The following HPSE2 variants were observed in gnomAD, a reference collection of about 807,000 sequenced individuals.
HPSE2 encodes the protein inactive heparanase-2.
A neutral mutation model predicts 60.5 loss-of-function variants in HPSE2; 38 were observed. The observed-to-expected ratio is 0.63, with a 90% CI of 0.48 to 0.82. The LOEUF is 0.82. Among genes scored for constraint, HPSE2 ranks in the 40% least tolerant of loss-of-function variants. The pLI, the probability that HPSE2 is intolerant of heterozygous loss-of-function variation, is 0.00. For synonymous variants in HPSE2, 295 were observed against 293.2 expected (o/e 1.01, Z -0.06); for missense variants, 713 against 740.4 (o/e 0.96, Z 0.43).
At chr10:99,279,519 CT>C in the HPSE2 span, among the ~76,000 whole-genome samples, 1 of 152,190 alleles carries the variant, frequency 6.6e-6, no homozygotes, top group African/African-American at 2.4e-5. Flanking sequence ...AAAAGAATAG[CT>C]TTCCTTTGTC....
At chr10:98,894,164 C>T (rs1393931967) in intron 3 of HPSE2, among the ~76,000 whole-genome samples, 1 of 152,084 alleles carries the variant, frequency 6.6e-6, no homozygotes, top group Non-Finnish European at 1.5e-5. Context: ...GGCAAAACAA[C>T]ACTCAAATAA....
chr10:98,872,509 A>T (rs1451423930), intron 3 of HPSE2, among the ~76,000 whole-genome samples: 1 of 152,124 alleles, frequency 6.6e-6, no homozygotes. Context: ...GTTACAAAAA[A>T]GCACCTTACT....
At chr10:98,573,403 C>T (rs1440858491) in intron 9 of HPSE2, among the ~76,000 whole-genome samples, 1 of 152,128 alleles carries the variant, frequency 6.6e-6, no homozygotes, top group Non-Finnish European at 1.5e-5. Flanking sequence ...CATGTTTCTA[C>T]TTCCCCAAAA....
At chr10:99,196,288 T>C (rs1848395166) in intron 2 of HPSE2, among the ~76,000 whole-genome samples, 1 of 152,126 alleles carries the variant, frequency 6.6e-6, no homozygotes, top group Admixed American at 6.5e-5. Flanking sequence ...CTCTAGGACA[T>C]TGGTCTGGGC....
At chr10:98,723,087 T>C (rs568259756) in intron 4 of HPSE2, among the ~76,000 whole-genome samples, 5 of 152,340 alleles carry the variant, frequency 3.3e-5, no homozygotes, top group South Asian at 2.1e-4. Flanking sequence ...TTCAGTATGA[T>C]ATTGGCTGTG....
At chr10:98,590,183 C>G (rs1589463808) in intron 9 of HPSE2, among the ~76,000 whole-genome samples, 1 of 152,246 alleles carries the variant, frequency 6.6e-6, no homozygotes, top group Admixed American at 6.5e-5. Flanking sequence ...TGGCTCATGC[C>G]TGCAATCCCA....
chr10:99,288,538 T>G, the HPSE2 span, among the ~76,000 whole-genome samples: 1 of 152,002 alleles, frequency 6.6e-6, no homozygotes, highest in Non-Finnish European at 1.5e-5. Flanking sequence ...ATGAAAAGTT[T>G]ATCTCCTTTC....
At chr10:98,598,031 A>G (rs1041001557) in intron 9 of HPSE2, among the ~76,000 whole-genome samples, 1 of 149,840 alleles carries the variant, frequency 6.7e-6, no homozygotes, top group Non-Finnish European at 1.5e-5. Flanking sequence ...TGGATCCCAT[A>G]GGCTTTCTTC....
intron 2 of HPSE2, among the ~76,000 whole-genome samples, chr10:99,189,985 T>A (rs1441480406): frequency 2.6e-5 from 4 of 152,174 alleles, no homozygotes; most frequent in African/African-American, 9.6e-5. Context: ...CTAGCCTAGG[T>A]GGATACCTCT....
At position 98,969,719 on chromosome 10, in the gene HPSE2, C is replaced by A. The variant is rs568337737; in HGVS notation, c.610+174519G>T. Among the ~76,000 whole-genome samples, 129 of 152,216 alleles carry A rather than the reference C, an allele frequency of 8.5e-4. 1 individual carries two copies. Among genetic ancestry groups the A allele is most frequent in the African/African-American group, 2.9e-3 (122 of 41,540 alleles). On this transcript the variant is annotated intron_variant, in intron 3 of 11. Transcript: ENST00000370552. ...TCCTGAGGGTTTGTACTATAGTGACCTAAAAGGTCCTGTGTTAGGCCATTC... is the reference window on the plus strand; with the variant it reads ...TCCTGAGGGTTTGTACTATAGTGACATAAAAGGTCCTGTGTTAGGCCATTC...
intron 3 of HPSE2, among the ~76,000 whole-genome samples, chr10:98,963,005 T>A (rs893881774): frequency 5.3e-5 from 8 of 152,206 alleles, no homozygotes; most frequent in African/African-American, 1.9e-4. Flanking sequence ...TCTCTGTGAA[T>A]GTTTGTTGAA....
intron 3 of HPSE2, among the ~76,000 whole-genome samples, chr10:98,990,612 A>G (rs902142493): frequency 5.3e-5 from 8 of 152,214 alleles, no homozygotes; most frequent in African/African-American, 1.7e-4. Flanking sequence ...GGTCTTTACC[A>G]TGAAAGCACT....
chr10:98,539,042 T>C (rs192695582), intron 9 of HPSE2, among the ~76,000 whole-genome samples: 34 of 152,306 alleles, frequency 2.2e-4, no homozygotes, highest in African/African-American at 6.7e-4. Context: ...AATACTGTTC[T>C]CCAGAATTAC....
At chr10:98,848,155 C>G (rs925630068) in intron 3 of HPSE2, among the ~76,000 whole-genome samples, 1 of 152,128 alleles carries the variant, frequency 6.6e-6, no homozygotes, top group African/African-American at 2.4e-5. Context: ...TGGTGGCTCA[C>G]GCCTGTAATC....
rs1232264867 is a variant in HPSE2 at position 98,544,708 on chromosome 10, G to A, written c.1321-54512C>T. 5.6e-3 allele frequency among the ~76,000 whole-genome samples: 313 copies of A among 55,698 alleles called. 2 individuals carry two copies. Among genetic ancestry groups the A allele is most frequent in the Non-Finnish European group, 7.5e-3 (249 of 33,090 alleles). 36.5% of individuals were successfully genotyped at this position (55,698 alleles called of 152,430 possible). A position where few individuals can be genotyped will look rare whatever the true frequency, so the allele number is the denominator to read the frequency against. ...AGCCTGGGCGACAGAGCGAGACTCC[G>A]TCTCAAAAAAAAAAAAAAAAAAAAA... On this transcript the variant is annotated intron_variant, in intron 9 of 11. Coordinates refer to ENST00000370552, the MANE Select transcript of HPSE2 (RefSeq NM_021828.5).
chr10:99,034,994 G>GT (rs1957578611), intron 3 of HPSE2, among the ~76,000 whole-genome samples: 1 of 152,180 alleles, frequency 6.6e-6, no homozygotes, highest in African/African-American at 2.4e-5. Flanking sequence ...GTGTCAGTGA[G>GT]TGAGTGGTGA....
At chr10:99,308,162 C>A in the HPSE2 span, among the ~76,000 whole-genome samples, 2 of 151,700 alleles carry the variant, frequency 1.3e-5, no homozygotes, top group Non-Finnish European at 2.9e-5. Context: ...CCGAGGCAGG[C>A]AGATTCCCTG....
At chr10:99,237,458 T>A (rs1849888074), upstream of HPSE2, among the ~76,000 whole-genome samples, 1 of 152,124 alleles carries the variant, frequency 6.6e-6, no homozygotes, top group Admixed American at 6.6e-5. Context: ...ATAGATGACC[T>A]TCAACTGAAG....
At chr10:99,001,258 C>T (rs1956771487) in intron 3 of HPSE2, among the ~76,000 whole-genome samples, 1 of 152,002 alleles carries the variant, frequency 6.6e-6, no homozygotes, top group Admixed American at 6.6e-5. Flanking sequence ...TTTATTTTCT[C>T]TCACTATAGG....
Sources: allele counts gnomAD v4.1 joint callset (sites outside exome capture counted in the v4.1 genomes callset), GRCh38; gene constraint gnomAD v4.1.1; transcripts MANE v1.5; gene names NCBI Gene and HGNC (gene_info 2026-07-23, HGNC 2026-07-21).